Variants in NFIA observed in about 807,000 individuals in gnomAD.
The protein encoded by NFIA is nuclear factor I A.
In NFIA, 8 loss-of-function variants were observed where a neutral mutation model predicts 62.8. The ratio of observed to expected loss-of-function variants is 0.13; its 90% CI spans 0.07 to 0.23. NFIA has a LOEUF of 0.23. Among genes scored for constraint, NFIA ranks in the 10% least tolerant of loss-of-function variants. The pLI is 1.00. For missense variants in NFIA, 410 were observed against 642.1 expected (o/e 0.64, Z 3.91); for synonymous variants, 235 against 238.1 (o/e 0.99, Z 0.12).
intron 3 of NFIA, among the ~76,000 whole-genome samples, chr1:61,301,705 G>A (rs924191999): frequency 6.6e-6 from 1 of 152,180 alleles, no homozygotes; most frequent in Non-Finnish European, 1.5e-5. Flanking sequence ...AAAGAGAAAT[G>A]AGGTTTAGAA....
chr1:61,462,024 G>GTTTTTTTTTTTTTTTTTTTGGTT lies in NFIA; in HGVS notation c.*6722_*6723insTGGTTTTTTTTTTTTTTTTTTTT, dbSNP rs368139522. On this transcript the variant is annotated 3_prime_UTR_variant, in exon 11 of 11. Transcript: ENST00000403491. Reference sequence around the variant, plus strand: ...ATAGTCTGTAAGTTAGCCTTTTTGGGTTTTTTTTTTTTTTTTTTGGCTTTT... The same window carrying GTTTTTTTTTTTTTTTTTTTGGTT: ...ATAGTCTGTAAGTTAGCCTTTTTGGGTTTTTTTTTTTTTTTTTTTGGTTTTTTTTTTTTTTTTTTTTGGCTTTT... The GTTTTTTTTTTTTTTTTTTTGGTT allele has an allele frequency of 4.1e-5, 3 of 73,200 alleles. No individual in the cohort carries two copies. Among genetic ancestry groups the GTTTTTTTTTTTTTTTTTTTGGTT allele is most frequent in the Admixed American group, 1.4e-4 (1 of 7,144 alleles). 4.5% of individuals were successfully genotyped at this position (73,200 alleles called of 1,614,324 possible).
rs540432359 is a variant in NFIA at position 61,454,584 on chromosome 1, T to A, written c.1513-719T>A. 5.3e-5 allele frequency among the ~76,000 whole-genome samples: 8 copies of A among 152,340 alleles called. No individual in the cohort carries two copies. In the South Asian group the frequency reaches 6.2e-4, roughly 12 times the overall value. On this transcript the variant is annotated intron_variant, in intron 10 of 10. Coordinates refer to ENST00000403491, the MANE Select transcript of NFIA (RefSeq NM_001134673.4). ...GAGTAAAATCTTGATCCTACTTAGT[T>A]ATTATGTTTCATGTTTGAAAATACC...
intron 3 of NFIA, among the ~76,000 whole-genome samples, chr1:61,287,101 C>T (rs190165728): frequency 6.6e-6 from 1 of 152,212 alleles, no homozygotes; most frequent in East Asian, 1.9e-4. Context: ...GAAGAATGCA[C>T]ATATGAGTCC....
chr1:61,360,104 A>G (rs1663203232), intron 6 of NFIA, among the ~76,000 whole-genome samples: 1 of 152,172 alleles, frequency 6.6e-6, no homozygotes. Context: ...TTCTATTTAA[A>G]TGGAACAACT....
chr1:61,173,339 A>T (rs766391835), intron 2 of NFIA, among the ~76,000 whole-genome samples: 8 of 152,158 alleles, frequency 5.3e-5, no homozygotes, highest in Non-Finnish European at 1.0e-4. Context: ...TCACTGTGTG[A>T]TCATGGGCAA....
intron 10 of NFIA, among the ~76,000 whole-genome samples, chr1:61,433,313 A>G (rs1667187232): frequency 2.0e-5 from 3 of 152,300 alleles, no homozygotes; most frequent in South Asian, 4.1e-4. Context: ...ATTAGTCTGC[A>G]TCTGTGGGAA....
rs1668412530 is a variant in NFIA at position 61,458,717 on chromosome 1, A to G, written c.*3397A>G. 9 of 148,576 alleles carry G rather than the reference A, an allele frequency of 6.1e-5. No homozygotes were observed. The South Asian group carries it at 1.7e-3, about 28-fold the overall frequency. The allele number at this position is 148,576 out of a possible 1,614,324, so 9.2% of individuals were successfully genotyped here. On this transcript the variant is annotated 3_prime_UTR_variant, in exon 11 of 11. Transcript: ENST00000403491. ...TTTTTTTTTTTTTGTAAGTATTTAAATACAATTATTTTTTTCTCTCAATGG... is the reference window on the plus strand; with the variant it reads ...TTTTTTTTTTTTTGTAAGTATTTAAGTACAATTATTTTTTTCTCTCAATGG...
At chr1:61,316,755 A>G (rs1660386458) in intron 3 of NFIA, among the ~76,000 whole-genome samples, 1 of 152,202 alleles carries the variant, frequency 6.6e-6, no homozygotes, top group Non-Finnish European at 1.5e-5. Context: ...TTCAATGATC[A>G]AAGTCAGTCA....
intron 2 of NFIA, chr1:61,249,916 A>T (rs1261543317): frequency 1.3e-5 from 2 of 152,244 alleles, no homozygotes; most frequent in African/African-American, 4.8e-5. Flanking sequence ...CAAACATGGT[A>T]TGGGTTGGAA....
chr1:61,175,656 AG>A (rs1650292911), intron 2 of NFIA, among the ~76,000 whole-genome samples: 1 of 152,246 alleles, frequency 6.6e-6, no homozygotes, highest in Non-Finnish European at 1.5e-5. Context: ...CTAGTAGGCC[AG>A]TATTTATGCA....
At chr1:61,193,353 C>CGT (rs1199666858) in intron 2 of NFIA, among the ~76,000 whole-genome samples, 25 of 152,118 alleles carry the variant, frequency 1.6e-4, no homozygotes, top group African/African-American at 5.8e-4. Flanking sequence ...CTTTTGTTTG[C>CGT]GTGTTTGTTT....
At chr1:61,211,754 G>A (rs1653274450) in intron 2 of NFIA, among the ~76,000 whole-genome samples, 1 of 152,114 alleles carries the variant, frequency 6.6e-6, no homozygotes, top group African/African-American at 2.4e-5. Flanking sequence ...CTGGAGTTCA[G>A]TGGTGCAGTC....
intron 5 of NFIA, 66 bp from the exon 6 acceptor site, chr1:61,359,081 A>G: frequency 1.3e-6 from 2 of 1,583,158 alleles, no homozygotes; most frequent in Admixed American, 1.7e-5. Context: ...TTTCAACCAG[A>G]GGTGCAGTGT....
chr1:61,343,395 T>C (rs1662034243), intron 4 of NFIA, among the ~76,000 whole-genome samples: 2 of 152,224 alleles, frequency 1.3e-5, no homozygotes, highest in South Asian at 4.1e-4. Context: ...TTCACCTCCC[T>C]TTTCTCCTTC....
In NFIA at chr1:61,211,441, T is replaced by G. The variant is rs1368570545; in HGVS notation, c.560-66079T>G. On this transcript the variant is annotated intron_variant, in intron 2 of 10. Coordinates refer to ENST00000403491, the MANE Select transcript of NFIA (RefSeq NM_001134673.4). ...AATGATGATGATAAATAGTAACAGC[T>G]TATTTTTTAAAAAGATACCAAGCTA... Among the ~76,000 whole-genome samples the G allele has an allele frequency of 3.3e-5, 5 of 152,336 alleles. No homozygotes were observed. In the South Asian group the frequency reaches 1.0e-3, roughly 32 times the overall value.
At chr1:61,094,052 G>C (rs1168661870) in intron 2 of NFIA, among the ~76,000 whole-genome samples, 1 of 152,162 alleles carries the variant, frequency 6.6e-6, no homozygotes, top group Non-Finnish European at 1.5e-5. Context: ...TGTCAATATA[G>C]ATTTTTGAAA....
chr1:61,099,031 C>T (rs746575191), intron 2 of NFIA, among the ~76,000 whole-genome samples: 8 of 152,104 alleles, frequency 5.3e-5, no homozygotes, highest in Middle Eastern at 6.3e-3. Context: ...TGCCCCTGGC[C>T]CCAGAAAAGA....
chr1:61,200,038 A>ATATATATG (rs1652343492), intron 2 of NFIA, among the ~76,000 whole-genome samples: 8 of 46,988 alleles, frequency 1.7e-4, no homozygotes, highest in African/African-American at 8.6e-4. Flanking sequence ...ATATATATAT[A>ATATATATG]TATATATATA....
intron 2 of NFIA, among the ~76,000 whole-genome samples, chr1:61,174,019 G>A (rs780927127): frequency 2.0e-5 from 3 of 152,180 alleles, no homozygotes; most frequent in African/African-American, 2.4e-5. Flanking sequence ...TAGAGGTGAC[G>A]AGAGAAGTGG....
Sources: allele counts gnomAD v4.1 joint callset (sites outside exome capture counted in the v4.1 genomes callset), GRCh38; gene constraint gnomAD v4.1.1; transcripts MANE v1.5; gene names NCBI Gene and HGNC (gene_info 2026-07-23, HGNC 2026-07-21).